The following GOLGA8M variants were observed in gnomAD, a reference collection of about 807,000 sequenced individuals.
GOLGA8M encodes golgin subfamily A member 8M.
A neutral mutation model predicts 87.7 loss-of-function variants in GOLGA8M; 34 were observed. The ratio of observed to expected loss-of-function variants is 0.39; its 90% CI spans 0.29 to 0.52. The LOEUF is 0.52. GOLGA8M is among the 20% of genes least tolerant of loss of function. The pLI is 0.80. For synonymous variants in GOLGA8M, 138 were observed against 250.2 expected, an observed-to-expected ratio of 0.55 and a Z score of 4.23; for missense variants, 396 against 682.2, an observed-to-expected ratio of 0.58 and a Z score of 4.67.
intron 12 of GOLGA8M, 81 bp downstream of exon 12, chr15:28,705,402 C>A: frequency 7.2e-7 from 1 of 1,397,942 alleles, no homozygotes; most frequent in Non-Finnish European, 9.8e-7. Flanking sequence ...GTGAGGGCTA[C>A]ACTGCCCCAT....
chr15:28,711,648 A>G (rs1596700922), intron 1 of GOLGA8M: 2 of 984,932 alleles, frequency 2.0e-6, no homozygotes, highest in East Asian at 2.3e-4. Flanking sequence ...GAGAACGCTT[A>G]GGGGACTGGG....
rs62009585 is a variant in GOLGA8M at position 28,705,757 on chromosome 15, C to T, written c.875-18G>A. The T allele has an allele frequency of 2.6e-3, 4,000 of 1,524,934 alleles. 1,371 individuals carry two copies. In the East Asian group the frequency reaches 0.05, roughly 19 times the overall value. The allele number at this position is 1,524,934 out of a possible 1,614,324, so 94.5% of individuals were successfully genotyped here. On this transcript the variant is annotated intron_variant, in intron 11 of 18. Transcript: ENST00000563027. ...GGGTTCAGCTGAGAAAGGAAGCAGA[C>T]AATAAGGGCCTCTGGATTCTCGGAA...
intron 13 of GOLGA8M, chr15:28,704,944 G>A: frequency 1.1e-6 from 1 of 896,652 alleles, no homozygotes; most frequent in Non-Finnish European, 1.7e-6. Context: ...CATGCCTCTA[G>A]CTAGGATGAT....
At position 28,702,389 on chromosome 15, in the gene GOLGA8M, G is replaced by A. The variant is rs747977145; in HGVS notation, c.1568-20C>T. 5 of 1,522,468 alleles carry A rather than the reference G, an allele frequency of 3.3e-6. No individual in the cohort carries two copies. The highest frequency in any genetic ancestry group is 2.4e-5 in the South Asian group (2 of 83,422). 94.3% of individuals were successfully genotyped at this position (1,522,468 alleles called of 1,614,324 possible). ...CTTCACCTGGAGGGAGGGGTGCTCA[G>A]CTGCCATGCCGCTGCCTGCGCCCAC... On this transcript the variant is annotated intron_variant, in intron 17 of 18. Transcript: ENST00000563027.
Position 28,700,927 on chromosome 15 carries a change from C to T in GOLGA8M, c.*1027G>A, listed in dbSNP as rs996815177. On this transcript the variant is annotated 3_prime_UTR_variant, in exon 19 of 19. Coordinates refer to ENST00000563027, the MANE Select transcript of GOLGA8M (RefSeq NM_001282468.3). ...TGCCTGTTCCAGGGACGTTTGAACT[C>T]ATAAAGGATTTCTTATGATCTTCAC... Among the ~76,000 whole-genome samples, 2 of 152,070 alleles carry T rather than the reference C, an allele frequency of 1.3e-5. No homozygotes were observed. Among genetic ancestry groups the T allele is most frequent in the African/African-American group, 4.8e-5 (2 of 41,376 alleles).
At position 28,702,241 on chromosome 15, in the gene GOLGA8M, C is replaced by G; in HGVS notation, c.1696G>C (p.Glu566Gln). 1 of 1,586,156 alleles carries G rather than the reference C, an allele frequency of 6.3e-7. No homozygotes were observed. Among genetic ancestry groups the G allele is most frequent in the South Asian group, 1.1e-5 (1 of 90,014 alleles). ...CCATGCTTGTCTGCAGCCCCAAGCT[C>G]CTGGGGAGCTGGGGCTCCTGGACCG... The part of the protein sequence containing the change: ...EPGPGAPAPQ[E>Q]LGAADKHGDL... The change falls in exon 18 of 19, where the codon GAG (glutamate) becomes CAG (glutamine). Residue 566 changes from glutamate to glutamine, a missense_variant. Transcript: ENST00000563027.
chr15:28,704,533 G>A (rs2079945669), intron 13 of GOLGA8M, among the ~76,000 whole-genome samples: 2 of 150,396 alleles, frequency 1.3e-5, no homozygotes, highest in Non-Finnish European at 2.9e-5. Context: ...TACTTGAACG[G>A]TGACCAGTGG....
rs766073551 is a variant in GOLGA8M, at chr15:28,705,097, C to A, written c.1200+62G>T. On this transcript the variant is annotated intron_variant, in intron 13 of 18. Transcript: ENST00000563027. The stretch of plus-strand genomic sequence containing the variant: ...CCTCTGGCCTGGTACCTCCCCTCCC[C>A]AGAGGCTGCTGCCCGCCTCCCAGCC... 7.1e-4 allele frequency: 1,134 copies of A among 1,589,670 alleles called. 11 individuals carry two copies. In the African/African-American group the frequency reaches 0.014, roughly 19 times the overall value.
rs770812070 is a variant in GOLGA8M at position 28,702,492 on chromosome 15, G to A, written c.1540C>T (p.Gln514Ter). Residue 514 changes from glutamine (Q) to a stop codon, truncating the protein, a stop_gained, in exon 17 of 19, where the codon CAG becomes TAG. Coordinates refer to ENST00000563027, the MANE Select transcript of GOLGA8M (RefSeq NM_001282468.3). LOFTEE classifies it high-confidence loss of function. ...KDAALGGGHH[Q>*]AGAQGGDEGE... is the part of the protein sequence containing the mutation. ...TCATCTCCTCCCTGAGCTCCAGCCT[G>A]ATGGTGTCCTCCTCCCAGTGCCGCA... 1 of 1,583,308 alleles carries A rather than the reference G, an allele frequency of 6.3e-7. No homozygotes were observed. Among genetic ancestry groups the A allele is most frequent in the South Asian group, 1.1e-5 (1 of 90,362 alleles).
chr15:28,707,673 A>C (rs1462630315), intron 8 of GOLGA8M, 75 bp downstream of exon 8: 16 of 1,419,316 alleles, frequency 1.1e-5, no homozygotes, highest in Admixed American at 2.0e-5. Context: ...GCCATCCTGC[A>C]GAAGGGACCT....
At chr15:28,708,284 C>G (rs1228551887) in intron 5 of GOLGA8M, 91 bp downstream of exon 5, 1 of 1,611,722 alleles carries the variant, frequency 6.2e-7, no homozygotes, top group Non-Finnish European at 8.5e-7. Context: ...CCCATGGGAC[C>G]AGGTTATCGG....
chr15:28,702,678 C>T lies in GOLGA8M; in HGVS notation c.1436G>A (p.Arg479His), dbSNP rs779394493. ...LSELVKKQEL[R>H]FIQYWQERCH... Reference sequence around the variant, plus strand: ...TCTCTCTTGCCAGTATTGAATGAAGCGAAGTTCTTGTTTCTTCACAAGCTC... The same window carrying T: ...TCTCTCTTGCCAGTATTGAATGAAGTGAAGTTCTTGTTTCTTCACAAGCTC... The change falls in exon 16 of 19, where the codon CGC becomes CAC. Residue 479 changes from arginine (R) to histidine (H), a missense_variant. Physicochemically the swap from Arg to His is conservative, Grantham distance 29. Around this residue, in one of 12 missense-constraint regions of GOLGA8M, gnomAD observed 173 missense variants for 150.2 expected, o/e 1.15. Transcript: ENST00000563027. The T allele has an allele frequency of 1.4e-5, 22 of 1,606,592 alleles. No individual in the cohort carries two copies. Among genetic ancestry groups the T allele is most frequent in the Non-Finnish European group, 1.7e-5 (20 of 1,179,610 alleles).
At chr15:28,704,388 C>G (rs964628821) in intron 13 of GOLGA8M, among the ~76,000 whole-genome samples, 11 of 147,280 alleles carry the variant, frequency 7.5e-5, no homozygotes, top group Middle Eastern at 6.8e-3. Context: ...TGACTGCCTC[C>G]CTTTCCTAGA....
chr15:28,704,579 C>A (rs2079947598), intron 13 of GOLGA8M, among the ~76,000 whole-genome samples: 1 of 149,176 alleles, frequency 6.7e-6, no homozygotes, highest in African/African-American at 2.5e-5. Context: ...TCTAAGGAGT[C>A]TTTTTGTTTT....
At position 28,701,515 on chromosome 15, in the gene GOLGA8M, T is replaced by A. The variant is rs2140901564; in HGVS notation, c.*439A>T. Reference sequence around the variant, plus strand: ...GAGCTAACGAAGAGCTCACTGTGATTAAGATTAGATCAAACAACAGCAGAA... The same window carrying A: ...GAGCTAACGAAGAGCTCACTGTGATAAAGATTAGATCAAACAACAGCAGAA... On this transcript the variant is annotated 3_prime_UTR_variant, in exon 19 of 19. Transcript: ENST00000563027. Among the ~76,000 whole-genome samples, 1 of 151,008 alleles carries A rather than the reference T, an allele frequency of 6.6e-6. No homozygotes were observed. The highest frequency in any genetic ancestry group is 2.1e-4 in the South Asian group (1 of 4,720).
rs2080041492 is a variant in GOLGA8M, at chr15:28,706,697, C to G, written c.594G>C (p.Leu198Phe). 6.2e-6 allele frequency: 9 copies of G among 1,451,944 alleles called. No individual in the cohort carries two copies. In the East Asian group the frequency reaches 1.7e-4, roughly 27 times the overall value. 89.9% of individuals were successfully genotyped at this position (1,451,944 alleles called of 1,614,324 possible). Residue 198 changes from leucine to phenylalanine, a missense_variant and splice_region_variant, in exon 9 of 19, where the codon TTG becomes TTC. By Grantham distance (22) the Leu-to-Phe change is conservative. This residue lies in a region of GOLGA8M where 80 missense variants were observed against 119.9 expected (regional missense o/e 0.67). Coordinates refer to ENST00000563027, the MANE Select transcript of GOLGA8M (RefSeq NM_001282468.3). ...MATQKKKANQ[L>F]SSPSKAGTEW... ...CCGTACCTGCTTTACTGGGGCTGGACAACTGGATGGCAAAGAGTGAGAAGT... is the reference window on the plus strand; with the variant it reads ...CCGTACCTGCTTTACTGGGGCTGGAGAACTGGATGGCAAAGAGTGAGAAGT...
At chr15:28,712,930 A>G (rs537173700), upstream of GOLGA8M, among the ~76,000 whole-genome samples, 54 of 151,522 alleles carry the variant, frequency 3.6e-4, no homozygotes, top group Non-Finnish European at 2.6e-4. Flanking sequence ...ACATTCTAAT[A>G]AGATAAAATA....
intron 1 of GOLGA8M, chr15:28,711,698 C>G: frequency 1.0e-6 from 1 of 985,018 alleles, no homozygotes; most frequent in Non-Finnish European, 1.2e-6. Context: ...ACGGCAGTTA[C>G]TAGGTGGGCT....
intron 9 of GOLGA8M, 51 bp from the exon 10 acceptor site, chr15:28,706,557 G>C: frequency 8.2e-7 from 1 of 1,221,392 alleles, no homozygotes; most frequent in Non-Finnish European, 1.2e-6. Context: ...GTCCTCACCT[G>C]CTCCTGGCCA....
Sources: allele counts gnomAD v4.1 joint callset (sites outside exome capture counted in the v4.1 genomes callset), GRCh38; gene constraint gnomAD v4.1.1; regional missense constraint gnomAD v4.1.1; transcripts MANE v1.5; gene names NCBI Gene and HGNC (gene_info 2026-07-23, HGNC 2026-07-21).